PAM: variants seen among roughly 807,000 people sequenced by gnomAD.
The protein encoded by PAM is peptidylglycine alpha-amidating monooxygenase.
PAM carries 72 observed loss-of-function variants against 122.1 expected under a neutral mutation model. The observed-to-expected ratio is 0.59, with a 90% CI of 0.49 to 0.72. PAM has a LOEUF of 0.72. Ranked by LOEUF, PAM falls within the 30% of genes least tolerant of loss-of-function variation. PAM has a pLI of 0.00. For missense variants in PAM, 1,106 were observed against 1,183.7 expected (o/e 0.93, Z 0.96); for synonymous variants, 389 against 404.4 (o/e 0.96, Z 0.46).
chr5:102,885,101 A>ATATATATATATATAT (rs1561760697), intron 3 of PAM, among the ~76,000 whole-genome samples: 1 of 151,546 alleles, frequency 6.6e-6, no homozygotes, highest in African/African-American at 2.4e-5. Flanking sequence ...ATATAACTAT[A>ATATATATATATATAT]AAAGCTTTAC....
chr5:102,800,967 A>G (rs1764571138), intron 1 of PAM, among the ~76,000 whole-genome samples: 1 of 152,148 alleles, frequency 6.6e-6, no homozygotes, highest in Admixed American at 6.5e-5. Context: ...CCCAGATGGA[A>G]TTTTCCACAT....
chr5:102,792,863 A>T (rs1225531413), intron 1 of PAM, among the ~76,000 whole-genome samples: 1 of 152,190 alleles, frequency 6.6e-6, no homozygotes, highest in African/African-American at 2.4e-5. Context: ...TGCTTTCTGC[A>T]GCCACACACA....
chr5:102,790,769 C>T (rs1761844442), intron 1 of PAM, among the ~76,000 whole-genome samples: 1 of 151,924 alleles, frequency 6.6e-6, no homozygotes, highest in South Asian at 2.1e-4. Context: ...TTTTTCTGAG[C>T]AATTATATTT....
chr5:102,896,916 T>G (rs1796375942), intron 3 of PAM, among the ~76,000 whole-genome samples: 2 of 151,640 alleles, frequency 1.3e-5, no homozygotes, highest in Admixed American at 6.6e-5. Context: ...TAGCTTCCTT[T>G]TATACTAGGA....
At chr5:102,832,088 A>C (rs1349860269) in intron 1 of PAM, among the ~76,000 whole-genome samples, 1 of 152,150 alleles carries the variant, frequency 6.6e-6, no homozygotes, top group Non-Finnish European at 1.5e-5. Context: ...GAATCTGAAA[A>C]TTCAGAAATG....
chr5:103,004,429 A>G, intron 17 of PAM, among the ~76,000 whole-genome samples: 1 of 152,080 alleles, frequency 6.6e-6, no homozygotes, highest in Middle Eastern at 3.2e-3. Flanking sequence ...ATGGCTTATG[A>G]AAAAAAATCT....
intron 1 of PAM, among the ~76,000 whole-genome samples, chr5:102,768,947 C>G (rs1005650767): frequency 1.3e-5 from 2 of 152,128 alleles, no homozygotes; most frequent in African/African-American, 4.8e-5. Context: ...AGTGGTTGAA[C>G]TAATTTATAT....
chr5:102,758,695 T>C (rs1751390640), intron 1 of PAM, among the ~76,000 whole-genome samples: 1 of 152,164 alleles, frequency 6.6e-6, no homozygotes, highest in South Asian at 2.1e-4. Context: ...CTCTCCAAAA[T>C]GGGAATAATG....
At chr5:102,908,865 G>A (rs1284430280) in intron 4 of PAM, among the ~76,000 whole-genome samples, 4 of 151,744 alleles carry the variant, frequency 2.6e-5, no homozygotes, top group African/African-American at 9.7e-5. Context: ...CCATTGTGGT[G>A]GGTTTTTAGC....
intron 1 of PAM, among the ~76,000 whole-genome samples, chr5:102,801,772 ATT>A (rs36068804): frequency 3.3e-4 from 33 of 98,966 alleles, no homozygotes; most frequent in African/African-American, 1.1e-3. Context: ...GGGAAAAGGT[ATT>A]TTTTTTTTTT....
At chr5:102,862,907 CTT>C (rs749980930) in intron 1 of PAM, among the ~76,000 whole-genome samples, 2 of 151,932 alleles carry the variant, frequency 1.3e-5, no homozygotes, top group Non-Finnish European at 2.9e-5. Context: ...TACAGGGTCT[CTT>C]ATAAATGAAT....
chr5:102,823,865 G>A (rs1203106252), intron 1 of PAM, among the ~76,000 whole-genome samples: 2 of 152,028 alleles, frequency 1.3e-5, no homozygotes, highest in Non-Finnish European at 2.9e-5. Flanking sequence ...TCACAGAAAG[G>A]GAACTAACTG....
intron 3 of PAM, among the ~76,000 whole-genome samples, chr5:102,889,745 C>G (rs75711689): frequency 0.014 from 2,116 of 151,984 alleles, 25 homozygotes; most frequent in Non-Finnish European, 0.021. Context: ...AGTGGCCCTC[C>G]TCCTTAGCCC....
chr5:103,026,176 A>T (rs1274682218), intron 24 of PAM, among the ~76,000 whole-genome samples: 1 of 152,196 alleles, frequency 6.6e-6, no homozygotes, highest in Non-Finnish European at 1.5e-5. Flanking sequence ...CTAAATAAAT[A>T]AACAACCCAA....
intron 16 of PAM, among the ~76,000 whole-genome samples, chr5:102,997,418 C>A (rs376441639): frequency 1.3e-4 from 20 of 152,050 alleles, no homozygotes; most frequent in East Asian, 1.2e-3. Flanking sequence ...ACTCATGAGG[C>A]TGAGATGGGA....
intron 1 of PAM, among the ~76,000 whole-genome samples, chr5:102,779,918 T>TACACACAC (rs1554059721): frequency 0.012 from 1,178 of 94,866 alleles, 49 homozygotes; most frequent in South Asian, 0.016. Flanking sequence ...TATATATATA[T>TACACACAC]ACACACATAT....
intron 15 of PAM, among the ~76,000 whole-genome samples, chr5:102,984,125 T>G (rs1770912316): frequency 6.6e-6 from 1 of 151,992 alleles, no homozygotes; most frequent in Non-Finnish European, 1.5e-5. Context: ...GACTCAAGTG[T>G]TGCCTCTGCA....
intron 1 of PAM, among the ~76,000 whole-genome samples, chr5:102,825,062 G>A (rs1029758386): frequency 1.3e-5 from 2 of 152,150 alleles, no homozygotes; most frequent in African/African-American, 2.4e-5. Context: ...TTTCTTACCT[G>A]AGCACTAATG....
chr5:102,871,841 T>G (rs940772758), intron 3 of PAM, among the ~76,000 whole-genome samples: 1 of 151,206 alleles, frequency 6.6e-6, no homozygotes, highest in African/African-American at 2.4e-5. Flanking sequence ...TTTTATCTAA[T>G]GTAAGTACTT....
Sources: allele counts gnomAD v4.1 joint callset (sites outside exome capture counted in the v4.1 genomes callset), GRCh38; gene constraint gnomAD v4.1.1; transcripts MANE v1.5; gene names NCBI Gene and HGNC (gene_info 2026-07-23, HGNC 2026-07-21).